MARCHF2: variants seen among roughly 807,000 people sequenced by gnomAD.
MARCHF2 encodes the protein membrane associated ring-CH-type finger 2, also known as E3 ubiquitin-protein ligase MARCHF2.
Under a neutral mutation model 24.0 loss-of-function variants are expected in MARCHF2, and 22 were observed. That is an observed-to-expected ratio of 0.92 (90% CI 0.66 to 1.31). MARCHF2 has a LOEUF of 1.31. Among genes scored for constraint, MARCHF2 ranks in the 50% most tolerant of loss-of-function variants. MARCHF2 has a pLI of 0.00. For synonymous variants in MARCHF2, 154 were observed against 153.0 expected (o/e 1.01, Z -0.05); for missense variants, 301 against 335.3 (o/e 0.90, Z 0.80).
chr19:8,422,660 T>C (rs940585496), intron 2 of MARCHF2, among the ~76,000 whole-genome samples: 1 of 150,656 alleles, frequency 6.6e-6, no homozygotes, highest in African/African-American at 2.4e-5. Context: ...CCCAAACTGC[T>C]GGGATTATAA....
At chr19:8,420,570 A>G in intron 1 of MARCHF2, among the ~76,000 whole-genome samples, 1 of 150,628 alleles carries the variant, frequency 6.6e-6, no homozygotes, top group East Asian at 1.9e-4. Flanking sequence ...TGGTTCTGAT[A>G]CCTTATCTGG....
At chr19:8,433,064 C>G (rs376358789) in intron 4 of MARCHF2, among the ~76,000 whole-genome samples, 2 of 151,638 alleles carry the variant, frequency 1.3e-5, no homozygotes, top group African/African-American at 2.4e-5. Flanking sequence ...AGAAAAAATA[C>G]AAAAGTTTGT....
chr19:8,430,700 T>G lies in MARCHF2; in HGVS notation c.415T>G (p.Cys139Gly). The G allele has an allele frequency of 1.2e-6, 2 of 1,610,946 alleles. No individual in the cohort carries two copies. Among genetic ancestry groups the G allele is most frequent in the Non-Finnish European group, 1.7e-6 (2 of 1,179,928 alleles). Residue 139 changes from cysteine to glycine, a missense_variant, in exon 4 of 5, where the codon TGC becomes GGC. By Grantham distance (159) the Cys-to-Gly change is radical. Coordinates refer to ENST00000215555, the MANE Select transcript of MARCHF2 (RefSeq NM_001005415.2). The surrounding 1 kb of genome is among the most constrained non-coding windows in gnomAD (Gnocchi z 4.4). Reference protein sequence around the residue: ...PGPRTEKRTLCCDMVCFLFIT... With the variant: ...PGPRTEKRTLGCDMVCFLFIT... Reference sequence around the variant, plus strand: ...GCCGCGGACGGAGAAGCGGACACTGTGCTGCGACATGGTGTGTTTCCTGTT... The same window carrying G: ...GCCGCGGACGGAGAAGCGGACACTGGGCTGCGACATGGTGTGTTTCCTGTT...
chr19:8,433,217 C>T (rs772699645), intron 4 of MARCHF2, among the ~76,000 whole-genome samples: 2 of 148,804 alleles, frequency 1.3e-5, no homozygotes, highest in African/African-American at 2.5e-5. Context: ...GACCTTGTCT[C>T]GAAGAAAATA....
chr19:8,414,124 A>G (rs1431148554), intron 1 of MARCHF2, among the ~76,000 whole-genome samples: 1 of 152,172 alleles, frequency 6.6e-6, no homozygotes, highest in East Asian at 1.9e-4. Context: ...TAGAGCTTTT[A>G]TTGAGCACTT....
At chr19:8,415,739 A>AAC (rs1555692166) in intron 1 of MARCHF2, among the ~76,000 whole-genome samples, 1,767 of 96,688 alleles carry the variant, frequency 0.018, 113 homozygotes, top group African/African-American at 0.066. Context: ...AAAAAACAAA[A>AAC]AAAACAAAAA....
At chr19:8,434,612 C>CT (rs1157755824) in intron 4 of MARCHF2, among the ~76,000 whole-genome samples, 1 of 151,946 alleles carries the variant, frequency 6.6e-6, no homozygotes, top group African/African-American at 2.4e-5. Flanking sequence ...TTTCTACTTC[C>CT]TTGTTTTTTC....
intron 3 of MARCHF2, among the ~76,000 whole-genome samples, chr19:8,428,501 A>G (rs1178983975): frequency 6.8e-6 from 1 of 147,908 alleles, no homozygotes; most frequent in African/African-American, 2.5e-5. Flanking sequence ...CGATGAGGAA[A>G]AAGCTAGGTG....
chr19:8,438,980 AC>A lies in MARCHF2; in HGVS notation c.*438del, dbSNP rs35091049. The A allele has an allele frequency of 0.27, 41,498 of 155,188 alleles. 6,566 individuals carry two copies. Among genetic ancestry groups the A allele is most frequent in the South Asian group, 0.41 (2,043 of 4,988 alleles). 9.6% of individuals were successfully genotyped at this position (155,188 alleles called of 1,614,324 possible). On this transcript the variant is annotated 3_prime_UTR_variant, in exon 5 of 5. Coordinates refer to ENST00000215555, the MANE Select transcript of MARCHF2 (RefSeq NM_001005415.2). The stretch of plus-strand genomic sequence containing the variant: ...AAGTTGCACTGCGTTTCAAAAACCC[AC>A]CCCTGAATGAATAAAAGGAGCCCTG...
Position 8,438,646 on chromosome 19 carries a change from T to G in MARCHF2, c.*100T>G. On this transcript the variant is annotated 3_prime_UTR_variant, in exon 5 of 5. Coordinates refer to ENST00000215555, the MANE Select transcript of MARCHF2 (RefSeq NM_001005415.2). Reference sequence around the variant, plus strand: ...CACTTCAACACTTCCACTTCAACAGTTCCCGCACGGCCTGAACGCTTCTTA... The same window carrying G: ...CACTTCAACACTTCCACTTCAACAGGTCCCGCACGGCCTGAACGCTTCTTA... 7.6e-7 allele frequency: 1 copy of G among 1,317,994 alleles called. No homozygotes were observed. Among genetic ancestry groups the G allele is most frequent in the Non-Finnish European group, 1.0e-6 (1 of 957,354 alleles). The allele number at this position is 1,317,994 out of a possible 1,614,324, so 81.6% of individuals were successfully genotyped here.
intron 1 of MARCHF2, among the ~76,000 whole-genome samples, chr19:8,414,909 T>TAGCCAGGAG (rs1159825686): frequency 1.3e-5 from 2 of 152,162 alleles, no homozygotes; most frequent in Non-Finnish European, 2.9e-5. Flanking sequence ...ATCGGTGGCA[T>TAGCCAGGAG]AGCCAGGAGG....
At position 8,435,079 on chromosome 19, in the gene MARCHF2, C is replaced by T. The variant is rs892582578; in HGVS notation, c.583-3309C>T. On this transcript the variant is annotated intron_variant, in intron 4 of 4. Transcript: ENST00000215555. The stretch of plus-strand genomic sequence containing the variant: ...CTGTCACCAGGCTAGAGTGTAGTGA[C>T]GCGATCTTGGCTCACTGCAACTTCT... Among the ~76,000 whole-genome samples, 23 of 143,830 alleles carry T rather than the reference C, an allele frequency of 1.6e-4. 1 individual carries two copies. Among genetic ancestry groups the T allele is most frequent in the African/African-American group, 3.1e-4 (12 of 38,370 alleles). 94.4% of individuals were successfully genotyped at this position (143,830 alleles called of 152,430 possible). A position where few individuals can be genotyped will look rare whatever the true frequency, so the allele number is the denominator to read the frequency against.
rs568406061 is a variant in MARCHF2 at position 8,419,583 on chromosome 19, G to A, written c.-52-2206G>A. 2.0e-4 allele frequency among the ~76,000 whole-genome samples: 30 copies of A among 151,678 alleles called. No individual in the cohort carries two copies. In the South Asian group the frequency reaches 5.4e-3, roughly 27 times the overall value. On this transcript the variant is annotated intron_variant, in intron 1 of 4. Coordinates refer to ENST00000215555, the MANE Select transcript of MARCHF2 (RefSeq NM_001005415.2). ...TGTAATCCCAGCACTTTGGGAGGCC[G>A]AGGCGGGCGGATCACGAGGTCAGGA... is the stretch of plus-strand genomic sequence containing the variant.
Position 8,426,761 on chromosome 19 carries a change from A to G in MARCHF2, c.329A>G (p.His110Arg), listed in dbSNP as rs767726990. Residue 110 changes from histidine (H) to arginine (R), a missense_variant, in exon 3 of 5, where the codon CAC (histidine) becomes CGC (arginine). Transcript: ENST00000215555. ...AACACCAGCTACTGCGAGCTGTGCC[A>G]CACGGAGTTTGCAGTGGAGAAACGG... Reference protein sequence around the residue: ...SSNTSYCELCHTEFAVEKRPR... With the variant: ...SSNTSYCELCRTEFAVEKRPR... 5.0e-6 allele frequency: 8 copies of G among 1,612,586 alleles called. No individual in the cohort carries two copies. Among genetic ancestry groups the G allele is most frequent in the Non-Finnish European group, 6.8e-6 (8 of 1,180,020 alleles).
chr19:8,428,722 G>A (rs1353969489), intron 3 of MARCHF2, among the ~76,000 whole-genome samples: 1 of 147,808 alleles, frequency 6.8e-6, no homozygotes, highest in Non-Finnish European at 1.5e-5. Flanking sequence ...CCAGCACTTT[G>A]GGAGGCAGAG....
chr19:8,428,218 C>T (rs1337909982), intron 3 of MARCHF2, among the ~76,000 whole-genome samples: 1 of 151,864 alleles, frequency 6.6e-6, no homozygotes, highest in Non-Finnish European at 1.5e-5. Context: ...TGAGATCAGG[C>T]CACTGCACTC....
At chr19:8,429,479 C>CTTATTATTA (rs144546795) in intron 3 of MARCHF2, among the ~76,000 whole-genome samples, 2,532 of 142,286 alleles carry the variant, frequency 0.018, 37 homozygotes, top group East Asian at 0.04. Flanking sequence ...AATGAAAGAA[C>CTTATTATTA]TTATTATTAT....
At chr19:8,415,999 A>G (rs1967077738) in intron 1 of MARCHF2, among the ~76,000 whole-genome samples, 2 of 152,036 alleles carry the variant, frequency 1.3e-5, no homozygotes, top group South Asian at 4.2e-4. Flanking sequence ...TCGGAGGGTC[A>G]AGAGATGTGG....
At chr19:8,417,955 G>A (rs1967128779) in intron 1 of MARCHF2, among the ~76,000 whole-genome samples, 2 of 149,100 alleles carry the variant, frequency 1.3e-5, no homozygotes, top group South Asian at 4.2e-4. Context: ...AGTAGACACG[G>A]GGTTTCTCCA....
Sources: gnomAD v4.1 joint callset for allele counts (sites outside exome capture counted in the v4.1 genomes callset) on GRCh38, gnomAD v4.1.1 for gene constraint, Gnocchi (gnomAD v3.1) non-coding constraint, MANE v1.5 for transcripts, NCBI Gene and HGNC (gene_info 2026-07-23, HGNC 2026-07-21) for gene names.